TMEM161A: variants seen among roughly 807,000 people sequenced by gnomAD.
TMEM161A encodes the protein adaptive response to oxidative stress protein 29.
Under a neutral mutation model 57.1 loss-of-function variants are expected in TMEM161A, and 46 were observed. The ratio of observed to expected loss-of-function variants is 0.81; its 90% CI spans 0.64 to 1.03. TMEM161A has a LOEUF of 1.03. TMEM161A is among the 50% of genes least tolerant of loss of function. The probability of loss-of-function intolerance (pLI) is 0.00; values close to 1 mark genes in which losing one functional copy is unlikely to be tolerated. For synonymous variants in TMEM161A, 288 were observed against 279.0 expected (o/e 1.03, Z -0.32); for missense variants, 601 against 621.5 (o/e 0.97, Z 0.35).
chr19:19,136,645 G>A (rs981779469), intron 1 of TMEM161A, among the ~76,000 whole-genome samples: 1 of 152,036 alleles, frequency 6.6e-6, no homozygotes, highest in East Asian at 1.9e-4. Flanking sequence ...AACAGAGTGG[G>A]ACTCTGTCTC....
rs926421210 is a variant in TMEM161A at position 19,119,793 on chromosome 19, G to T, written c.*137C>A. On this transcript the variant is annotated 3_prime_UTR_variant, in exon 12 of 12. Coordinates refer to ENST00000162044, the MANE Select transcript of TMEM161A (RefSeq NM_017814.3). ...GCGTCCAAGGGGGGCCGCGGGTCAG[G>T]CACTGTGGTGAAGGGAACGCCGGGG... 3 of 1,136,660 alleles carry T rather than the reference G, an allele frequency of 2.6e-6. No homozygotes were observed. The highest frequency in any genetic ancestry group is 3.1e-5 in the African/African-American group (2 of 64,008). 70.4% of individuals were successfully genotyped at this position (1,136,660 alleles called of 1,614,324 possible). A position where few individuals can be genotyped will look rare whatever the true frequency, so the allele number is the denominator to read the frequency against.
chr19:19,134,683 A>T, intron 2 of TMEM161A, 101 bp downstream of exon 2: 1 of 831,052 alleles, frequency 1.2e-6, no homozygotes, highest in Non-Finnish European at 1.9e-6. Context: ...CCCACCACCC[A>T]CCAACCAAAA....
chr19:19,119,725 A>G lies in TMEM161A; in HGVS notation c.*205T>C, dbSNP rs958028584. 1.6e-5 allele frequency: 10 copies of G among 630,746 alleles called. No homozygotes were observed. Among genetic ancestry groups the G allele is most frequent in the Middle Eastern group, 4.3e-4 (1 of 2,316 alleles). 39.1% of individuals were successfully genotyped at this position (630,746 alleles called of 1,614,324 possible). A position where few individuals can be genotyped will look rare whatever the true frequency, so the allele number is the denominator to read the frequency against. ...CGGAGACAATGGCCTCGGGACCCTC[A>G]TGCTGCTGGGCCCAGGAGAGACAGT... On this transcript the variant is annotated 3_prime_UTR_variant, in exon 12 of 12. Coordinates refer to ENST00000162044, the MANE Select transcript of TMEM161A (RefSeq NM_017814.3).
Position 19,121,147 on chromosome 19 carries a change from CG to C in TMEM161A, c.933del (p.Phe311LeufsTer19). On this transcript the variant is annotated frameshift_variant, in exon 10 of 12. Coordinates refer to ENST00000162044, the MANE Select transcript of TMEM161A (RefSeq NM_017814.3). LOFTEE classifies it high-confidence loss of function. The surrounding 1 kb of genome is among the most constrained non-coding windows in gnomAD (Gnocchi z 5.8). Reference sequence around the variant, plus strand: ...ACCAGCAACCAGAGGCGCCCAGAGTCGAAGGCAGAATCGGACAGCCTGTGCG... The same window carrying C: ...ACCAGCAACCAGAGGCGCCCAGAGTCAAGGCAGAATCGGACAGCCTGTGCG... ...TRFSLLSDSA[F>X]DSGRLWLLVV... is the part of the protein sequence containing the mutation. 6.2e-7 allele frequency: 1 copy of C among 1,608,376 alleles called. No homozygotes were observed. Among genetic ancestry groups the C allele is most frequent in the Non-Finnish European group, 8.5e-7 (1 of 1,177,606 alleles).
intron 6 of TMEM161A, among the ~76,000 whole-genome samples, chr19:19,125,966 T>TAA (rs1160268634): frequency 1.3e-5 from 2 of 151,570 alleles, no homozygotes; most frequent in African/African-American, 4.8e-5. Flanking sequence ...CCATCTCTAG[T>TAA]AAAAAATACA....
chr19:19,120,835 G>A lies in TMEM161A; in HGVS notation c.1116C>T (p.Thr372=). The A allele has an allele frequency of 1.9e-6, 3 of 1,613,420 alleles. No individual in the cohort carries two copies. The highest frequency in any genetic ancestry group is 1.1e-5 in the South Asian group (1 of 91,070). Residue 372 remains threonine, a synonymous_variant, in exon 11 of 12, where the codon ACC becomes ACT. Coordinates refer to ENST00000162044, the MANE Select transcript of TMEM161A (RefSeq NM_017814.3). ...QRVVRVYCYV[T]VVSLQYLTPL... ...GCGTCAGGTACTGCAAGCTCACCAC[G>A]GTCACATAGCAGTAGACTCGGACCA...
At chr19:19,124,282 C>G (rs1463024195) in intron 6 of TMEM161A, among the ~76,000 whole-genome samples, 2 of 152,126 alleles carry the variant, frequency 1.3e-5, no homozygotes, top group African/African-American at 4.8e-5. Flanking sequence ...AAGTCACAGA[C>G]AAAAGGTTAG....
chr19:19,134,801 C>A lies in TMEM161A; in HGVS notation c.90G>T (p.Trp30Cys). 6.3e-7 allele frequency: 1 copy of A among 1,582,066 alleles called. No individual in the cohort carries two copies. The highest frequency in any genetic ancestry group is 8.6e-7 in the Non-Finnish European group (1 of 1,166,010). Residue 30 changes from tryptophan (W) to cysteine (C), a missense_variant, in exon 2 of 12, where the codon TGG (tryptophan) becomes TGT (cysteine). Trp to Cys is a radical substitution (Grantham distance 215). Transcript: ENST00000162044. ...RLAPHCSFAR[W>C]LLCNGSLFRY... Reference sequence around the variant, plus strand: ...GGGCTCACCTGCCGTTACAGAGCAGCCAGCGCGCGAAGGAGCAGTGTGGCG... The same window carrying A: ...GGGCTCACCTGCCGTTACAGAGCAGACAGCGCGCGAAGGAGCAGTGTGGCG...
intron 6 of TMEM161A, among the ~76,000 whole-genome samples, chr19:19,127,893 T>C (rs943976221): frequency 6.6e-6 from 1 of 152,066 alleles, no homozygotes. Flanking sequence ...TGAGTTGTGA[T>C]TGCACCACTG....
In TMEM161A at chr19:19,121,231, C is replaced by T. The variant is rs2059908599; in HGVS notation, c.915-65G>A. ...GCCCCCGACCCCCCAGGATCTTCCC[C>T]AGGCTCCTCCCTGAATCTCAGAGGC... On this transcript the variant is annotated intron_variant, in intron 9 of 11. Transcript: ENST00000162044. The surrounding 1 kb of genome is among the most constrained non-coding windows in gnomAD (Gnocchi z 5.8). The T allele has an allele frequency of 1.9e-6, 3 of 1,550,602 alleles. No homozygotes were observed. Among genetic ancestry groups the T allele is most frequent in the Non-Finnish European group, 2.6e-6 (3 of 1,146,596 alleles).
rs2059911712 is a variant in TMEM161A, at chr19:19,121,680, C to T, written c.657-12G>A. ...TGGCCACAGGAAGCCTAGGAGAACA[C>T]CAGGTCACGAGCCTGCCTGGGGGAC... is the stretch of plus-strand genomic sequence containing the variant. On this transcript the variant is annotated splice_polypyrimidine_tract_variant and intron_variant, in intron 7 of 11. Transcript: ENST00000162044. This position sits in a 1 kb window ranked among gnomAD's most constrained non-coding sequence, Gnocchi z 5.8. The T allele has an allele frequency of 6.2e-7, 1 of 1,613,066 alleles. No homozygotes were observed. Among genetic ancestry groups the T allele is most frequent in the Non-Finnish European group, 8.5e-7 (1 of 1,179,220 alleles).
At chr19:19,120,906 T>G in intron 10 of TMEM161A, 45 bp from the exon 11 acceptor site, 2 of 1,612,230 alleles carry the variant, frequency 1.2e-6, no homozygotes, top group Non-Finnish European at 1.7e-6. Context: ...GGCCTTCTGG[T>G]TTGGGACGAC....
chr19:19,130,653 G>T, intron 5 of TMEM161A: 1 of 286,932 alleles, frequency 3.5e-6, no homozygotes, highest in East Asian at 7.0e-5. Flanking sequence ...ATGCAGCATG[G>T]GGGCCAGACA....
rs145326108 is a variant in TMEM161A at position 19,121,124 on chromosome 19, C to T, written c.957G>A (p.Leu319=). Residue 319 remains leucine (L), a synonymous_variant, in exon 10 of 12, where the codon CTG becomes CTA. Coordinates refer to ENST00000162044, the MANE Select transcript of TMEM161A (RefSeq NM_017814.3). This position sits in a 1 kb window ranked among gnomAD's most constrained non-coding sequence, Gnocchi z 5.8. The part of the protein sequence containing the change: ...SAFDSGRLWL[L]VVLCLLRLAV... The stretch of plus-strand genomic sequence containing the variant: ...CCAGCCGCAGCAGGCACAGCACCAC[C>T]AGCAACCAGAGGCGCCCAGAGTCGA... 8.3e-4 allele frequency: 1,340 copies of T among 1,611,144 alleles called. 14 individuals are homozygous for T. In the African/African-American group the frequency reaches 0.015, roughly 18 times the overall value.
In TMEM161A at chr19:19,132,133, G is replaced by A. The variant is rs1286922642; in HGVS notation, c.443+219C>T. ...CCTGGCATTTCTACTGCCACCAAAG[G>A]GCATGACCATGTGGAGTGGAGATGA... On this transcript the variant is annotated intron_variant, in intron 5 of 11. Transcript: ENST00000162044. The surrounding 1 kb of genome is among the most constrained non-coding windows in gnomAD (Gnocchi z 4.3). 6.6e-6 allele frequency among the ~76,000 whole-genome samples: 1 copy of A among 152,214 alleles called. No individual in the cohort carries two copies. The highest frequency in any genetic ancestry group is 6.5e-5 in the Admixed American group (1 of 15,274).
chr19:19,138,446 G>A lies in TMEM161A; in HGVS notation c.-18C>T, dbSNP rs750083000. On this transcript the variant is annotated 5_prime_UTR_variant, in exon 1 of 12. Transcript: ENST00000162044. Reference sequence around the variant, plus strand: ...CTCACCATGACGCGTGCGAGAACGCGGTGCACTCACCCACCGGCCTAGGGC... The same window carrying A: ...CTCACCATGACGCGTGCGAGAACGCAGTGCACTCACCCACCGGCCTAGGGC... 4.4e-6 allele frequency: 7 copies of A among 1,600,202 alleles called. No individual in the cohort carries two copies. In the South Asian group the frequency reaches 4.5e-5, roughly 10 times the overall value.
chr19:19,134,208 G>C (rs2059973983), intron 2 of TMEM161A, among the ~76,000 whole-genome samples: 1 of 152,188 alleles, frequency 6.6e-6, no homozygotes, highest in Admixed American at 6.5e-5. Flanking sequence ...AGGAAGGCTG[G>C]GTTACAGGGA....
intron 5 of TMEM161A, chr19:19,130,514 A>C (rs2059953484): frequency 1.6e-6 from 1 of 609,458 alleles, no homozygotes; most frequent in African/African-American, 1.8e-5. Flanking sequence ...AGATGGCCTC[A>C]TCAGGCCACC....
chr19:19,138,330 G>A, intron 1 of TMEM161A, 96 bp downstream of exon 1: 1 of 1,530,682 alleles, frequency 6.5e-7, no homozygotes, highest in Non-Finnish European at 8.9e-7. Flanking sequence ...CAATCCCCAA[G>A]AAGAAACCCC....
Sources: allele counts gnomAD v4.1 joint callset (sites outside exome capture counted in the v4.1 genomes callset), GRCh38; gene constraint gnomAD v4.1.1; non-coding constraint Gnocchi (gnomAD v3.1); transcripts MANE v1.5; gene names NCBI Gene and HGNC (gene_info 2026-07-23, HGNC 2026-07-21).